INSYN2B: variants seen among roughly 807,000 people sequenced by gnomAD.
The protein encoded by INSYN2B is inhibitory synaptic factor family member 2B.
INSYN2B carries 16 observed loss-of-function variants against 41.2 expected under a neutral mutation model. The ratio of observed to expected loss-of-function variants is 0.39; its 90% CI spans 0.26 to 0.59. The LOEUF is 0.59. Ranked by LOEUF, INSYN2B falls within the 20% of genes least tolerant of loss-of-function variation. The probability of loss-of-function intolerance (pLI) is 0.57; values close to 1 mark genes in which losing one functional copy is unlikely to be tolerated. For synonymous variants in INSYN2B, 245 were observed against 244.4 expected, an observed-to-expected ratio of 1.00 and a Z score of -0.02; for missense variants, 608 against 646.4, an observed-to-expected ratio of 0.94 and a Z score of 0.64.
At chr5:169,979,351 T>C (rs1777857358) in intron 1 of INSYN2B, among the ~76,000 whole-genome samples, 1 of 152,200 alleles carries the variant, frequency 6.6e-6, no homozygotes, top group Non-Finnish European at 1.5e-5. Context: ...GATATGGAAG[T>C]AAGGTCTCAA....
At chr5:169,959,589 G>A (rs544523300) in intron 1 of INSYN2B, among the ~76,000 whole-genome samples, 4 of 152,286 alleles carry the variant, frequency 2.6e-5, no homozygotes, top group South Asian at 2.1e-4. Context: ...GCAAGCAGAG[G>A]TCACTGAATC....
At chr5:169,970,621 A>G (rs1461467357) in intron 1 of INSYN2B, among the ~76,000 whole-genome samples, 1 of 152,226 alleles carries the variant, frequency 6.6e-6, no homozygotes, top group Non-Finnish European at 1.5e-5. Context: ...GTAGTTCCCA[A>G]GAATCATCCT....
At chr5:169,864,501 C>T in intron 3 of INSYN2B, 42 bp from the exon 4 acceptor site, 2 of 1,416,904 alleles carry the variant, frequency 1.4e-6, no homozygotes, top group Non-Finnish European at 1.9e-6. Flanking sequence ...GAATTCGAAT[C>T]AGCACAGACT....
At chr5:169,910,997 G>C (rs899669552) in intron 1 of INSYN2B, among the ~76,000 whole-genome samples, 2 of 152,164 alleles carry the variant, frequency 1.3e-5, no homozygotes, top group African/African-American at 2.4e-5. Context: ...GAAACCCTCA[G>C]GTGCCTCCAA....
At chr5:169,899,659 C>T (rs1773808738) in intron 1 of INSYN2B, among the ~76,000 whole-genome samples, 1 of 152,170 alleles carries the variant, frequency 6.6e-6, no homozygotes, top group Non-Finnish European at 1.5e-5. Context: ...TGGAAATAGA[C>T]CTCTCTACAT....
At chr5:169,979,009 G>T (rs929508234) in intron 1 of INSYN2B, among the ~76,000 whole-genome samples, 2 of 152,294 alleles carry the variant, frequency 1.3e-5, no homozygotes, top group East Asian at 3.9e-4. Flanking sequence ...GTTTTAAGAA[G>T]CAATTTCCCA....
rs1315819814 is a variant in INSYN2B at position 169,883,672 on chromosome 5, G to A, written c.227C>T (p.Pro76Leu). The A allele has an allele frequency of 3.9e-6, 6 of 1,550,994 alleles. No individual in the cohort carries two copies. The Middle Eastern group carries it at 5.0e-4, about 130-fold the overall frequency. ...GGGGAAGGAGAGCGAGTAGGTGGGGGGAAGATGGTGCCTGGTTGCTTGAGT... is the reference window on the plus strand; with the variant it reads ...GGGGAAGGAGAGCGAGTAGGTGGGGAGAAGATGGTGCCTGGTTGCTTGAGT... ...GKTQATRHHL[P>L]PTYSLSFPRS... The change falls in exon 2 of 4, where the codon CCC (proline) becomes CTC (leucine). Residue 76 changes from proline (P) to leucine (L), a missense_variant. Pro to Leu is a moderately conservative substitution (Grantham distance 98). Transcript: ENST00000377365.
rs2113509229 is a variant in INSYN2B, at chr5:169,883,215, T to G, written c.684A>C (p.Glu228Asp). Residue 228 changes from glutamate to aspartate, a missense_variant, in exon 2 of 4, where the codon GAA becomes GAC. By Grantham distance (45) the Glu-to-Asp change is conservative (BLOSUM62 2). Coordinates refer to ENST00000377365, the MANE Select transcript of INSYN2B (RefSeq NM_001129891.3). Reference protein sequence around the residue: ...ESALSPDRSAEVSNSIHPLDD... With the variant: ...ESALSPDRSADVSNSIHPLDD... ...CCAAAGGGTGTATGGAGTTACTTAC[T>G]TCAGCTGACCTGTCTGGGCTGAGAG... 7 of 1,551,622 alleles carry G rather than the reference T, an allele frequency of 4.5e-6. No individual in the cohort carries two copies. The highest frequency in any genetic ancestry group is 6.1e-6 in the Non-Finnish European group (7 of 1,146,936).
chr5:169,967,968 G>T (rs1245301418), intron 1 of INSYN2B, among the ~76,000 whole-genome samples: 1 of 152,144 alleles, frequency 6.6e-6, no homozygotes, highest in Non-Finnish European at 1.5e-5. Flanking sequence ...ATGGGGAGGA[G>T]GAAGAAAGGT....
chr5:169,970,989 G>T (rs2113763560), intron 1 of INSYN2B, among the ~76,000 whole-genome samples: 2 of 152,184 alleles, frequency 1.3e-5, no homozygotes, highest in South Asian at 2.1e-4. Context: ...GGGGAGGGTG[G>T]GGCAGCGGGG....
chr5:169,870,646 A>G (rs1429631766), intron 3 of INSYN2B, among the ~76,000 whole-genome samples: 2 of 152,048 alleles, frequency 1.3e-5, no homozygotes, highest in Non-Finnish European at 2.9e-5. Context: ...GTACATGTGC[A>G]CAATGTGCAG....
intron 1 of INSYN2B, among the ~76,000 whole-genome samples, chr5:169,933,180 A>G (rs1328475312): frequency 6.6e-6 from 1 of 152,216 alleles, no homozygotes; most frequent in East Asian, 1.9e-4. Flanking sequence ...GTGTACCCTG[A>G]AAGAGAGAGG....
intron 1 of INSYN2B, among the ~76,000 whole-genome samples, chr5:169,900,887 G>A (rs570935562): frequency 2.0e-5 from 3 of 152,168 alleles, no homozygotes; most frequent in Non-Finnish European, 4.4e-5. Flanking sequence ...GCAAATCATC[G>A]ATTAGGAGTT....
chr5:169,952,408 G>T (rs1212454432), intron 1 of INSYN2B, among the ~76,000 whole-genome samples: 1 of 151,916 alleles, frequency 6.6e-6, no homozygotes, highest in Non-Finnish European at 1.5e-5. Context: ...TTTTAATTAT[G>T]GCTCCCCTTT....
intron 1 of INSYN2B, among the ~76,000 whole-genome samples, chr5:169,899,988 G>A (rs1021116708): frequency 6.6e-6 from 1 of 152,090 alleles, no homozygotes; most frequent in Non-Finnish European, 1.5e-5. Context: ...ACTGTCCATT[G>A]TATTCACTTC....
intron 1 of INSYN2B, among the ~76,000 whole-genome samples, chr5:169,957,095 T>C (rs1322990290): frequency 6.6e-6 from 1 of 152,186 alleles, no homozygotes; most frequent in African/African-American, 2.4e-5. Flanking sequence ...CTGCACTTTG[T>C]ACTTTGCAGT....
At chr5:169,892,956 C>T (rs956541160) in intron 1 of INSYN2B, among the ~76,000 whole-genome samples, 2 of 152,118 alleles carry the variant, frequency 1.3e-5, no homozygotes, top group African/African-American at 4.8e-5. Flanking sequence ...TCTCCCCTCT[C>T]CTCCCTGCTC....
intron 1 of INSYN2B, among the ~76,000 whole-genome samples, chr5:169,921,615 T>C (rs1006975442): frequency 6.6e-6 from 1 of 152,228 alleles, no homozygotes; most frequent in Non-Finnish European, 1.5e-5. Flanking sequence ...TTAACTTTGT[T>C]TAACCCAGTG....
At chr5:169,898,668 G>A (rs1010695985) in intron 1 of INSYN2B, among the ~76,000 whole-genome samples, 3 of 152,112 alleles carry the variant, frequency 2.0e-5, no homozygotes, top group African/African-American at 7.2e-5. Context: ...TTTCAATCAA[G>A]GGTTAGACAG....
Sources: allele counts gnomAD v4.1 joint callset (sites outside exome capture counted in the v4.1 genomes callset), GRCh38; gene constraint gnomAD v4.1.1; transcripts MANE v1.5; gene names NCBI Gene and HGNC (gene_info 2026-07-23, HGNC 2026-07-21).